The following CAPSL variants were observed in gnomAD, a reference collection of about 807,000 sequenced individuals.
CAPSL encodes the protein calcyphosine like, also known as calcyphosin-like protein.
In CAPSL, 17 loss-of-function variants were observed where a neutral mutation model predicts 21.3. That is an observed-to-expected ratio of 0.80 (90% CI 0.55 to 1.20). CAPSL has a LOEUF of 1.20. Among genes scored for constraint, CAPSL ranks in the 50% most tolerant of loss-of-function variants. CAPSL has a pLI of 0.00. For synonymous variants in CAPSL, 102 were observed against 89.3 expected, an observed-to-expected ratio of 1.14 and a Z score of -0.80; for missense variants, 289 against 259.3, an observed-to-expected ratio of 1.11 and a Z score of -0.79.
chr5:35,910,120 G>A (rs1182008164), intron 3 of CAPSL, 45 bp from the exon 4 acceptor site: 1 of 1,488,422 alleles, frequency 6.7e-7, no homozygotes, highest in Non-Finnish European at 9.1e-7. Flanking sequence ...ATAAGCAAAT[G>A]AGCTTTTTTG....
intron 1 of CAPSL, among the ~76,000 whole-genome samples, chr5:35,935,317 C>T (rs1738916722): frequency 6.6e-6 from 1 of 151,338 alleles, no homozygotes; most frequent in African/African-American, 2.4e-5. Flanking sequence ...ATCTGGTCTC[C>T]TCTGAAAGTC....
intron 1 of CAPSL, among the ~76,000 whole-genome samples, chr5:35,936,043 T>C (rs903196923): frequency 6.6e-6 from 1 of 152,218 alleles, no homozygotes; most frequent in South Asian, 2.1e-4. Flanking sequence ...TTTTATATGA[T>C]GTTGGTCAGG....
At chr5:35,922,195 C>A (rs1185367102) in intron 1 of CAPSL, among the ~76,000 whole-genome samples, 1 of 152,074 alleles carries the variant, frequency 6.6e-6, no homozygotes, top group South Asian at 2.1e-4. Flanking sequence ...TCAAAGACAG[C>A]AACCTGCAGA....
chr5:35,937,706 T>C (rs1280885382), intron 1 of CAPSL, among the ~76,000 whole-genome samples: 1 of 152,194 alleles, frequency 6.6e-6, no homozygotes, highest in Admixed American at 6.5e-5. Flanking sequence ...AATTTATCAT[T>C]GTCATTGCTA....
At chr5:35,914,403 T>C (rs1399824850) in intron 2 of CAPSL, among the ~76,000 whole-genome samples, 3 of 152,134 alleles carry the variant, frequency 2.0e-5, no homozygotes, top group Admixed American at 1.3e-4. Flanking sequence ...CAACAGAATA[T>C]ACATTCTTTT....
chr5:35,914,877 A>G (rs1738330541), intron 2 of CAPSL, among the ~76,000 whole-genome samples: 2 of 152,194 alleles, frequency 1.3e-5, no homozygotes, highest in Non-Finnish European at 2.9e-5. Flanking sequence ...AACTCAAGGA[A>G]ATAGAGACAC....
chr5:35,919,870 G>A (rs755974216), intron 2 of CAPSL, among the ~76,000 whole-genome samples: 5 of 152,160 alleles, frequency 3.3e-5, no homozygotes, highest in Non-Finnish European at 7.3e-5. Context: ...GTGGGTATGG[G>A]GTGAAGATGG....
At chr5:35,916,989 A>C (rs1471767793) in intron 2 of CAPSL, among the ~76,000 whole-genome samples, 1 of 152,226 alleles carries the variant, frequency 6.6e-6, no homozygotes, top group Non-Finnish European at 1.5e-5. Flanking sequence ...TAATATCCAG[A>C]ATCTACAATG....
chr5:35,916,109 C>T (rs1738378339), intron 2 of CAPSL, among the ~76,000 whole-genome samples: 2 of 152,214 alleles, frequency 1.3e-5, no homozygotes, highest in South Asian at 2.1e-4. Context: ...AACTCCCATT[C>T]ACAATTGCTT....
chr5:35,935,090 T>C (rs1221913733), intron 1 of CAPSL, among the ~76,000 whole-genome samples: 1 of 152,214 alleles, frequency 6.6e-6, no homozygotes, highest in African/African-American at 2.4e-5. Context: ...ACAAACTTCC[T>C]ATGTTTCTCT....
chr5:35,917,896 G>A (rs576196218), intron 2 of CAPSL, among the ~76,000 whole-genome samples: 19 of 151,962 alleles, frequency 1.3e-4, no homozygotes, highest in South Asian at 8.3e-4. Context: ...AAAGCTTATC[G>A]TCATTAGAGA....
At chr5:35,915,986 T>C (rs138074089) in intron 2 of CAPSL, among the ~76,000 whole-genome samples, 62,214 of 151,752 alleles carry the variant, frequency 0.41, 13,192 homozygotes, top group African/African-American at 0.46. Context: ...CCCAAAATCT[T>C]CTTAAGCTGA....
chr5:35,905,597 C>T (rs1414516955), intron 4 of CAPSL, among the ~76,000 whole-genome samples: 7 of 152,238 alleles, frequency 4.6e-5, no homozygotes, highest in Non-Finnish European at 1.0e-4. Context: ...ATCTACAATA[C>T]ATGCATAGAG....
At chr5:35,926,039 G>T (rs1738666406) in intron 1 of CAPSL, among the ~76,000 whole-genome samples, 2 of 144,258 alleles carry the variant, frequency 1.4e-5, no homozygotes, top group Admixed American at 1.4e-4. Flanking sequence ...TCGCGCCACT[G>T]CACTCCAGCC....
rs1760620886 is a variant in CAPSL at position 35,904,345 on chromosome 5, C to G, written c.*200G>C. ...CCTATTTTAGAACAAAGGAAACAGT[C>G]TTAGGCAAGGCAAACTCACAGTTGG... is the stretch of plus-strand genomic sequence containing the variant. On this transcript the variant is annotated 3_prime_UTR_variant, in exon 5 of 5. Coordinates refer to ENST00000651391, the MANE Select transcript of CAPSL (RefSeq NM_001042625.2). 1.7e-6 allele frequency: 1 copy of G among 594,766 alleles called. No homozygotes were observed. Among genetic ancestry groups the G allele is most frequent in the South Asian group, 2.1e-5 (1 of 48,514 alleles). The allele number at this position is 594,766 out of a possible 1,614,324, so 36.8% of individuals were successfully genotyped here.
At chr5:35,934,157 ATTC>A (rs1361046266) in intron 1 of CAPSL, among the ~76,000 whole-genome samples, 3 of 152,198 alleles carry the variant, frequency 2.0e-5, no homozygotes, top group Admixed American at 2.0e-4. Context: ...TACAAGGAAA[ATTC>A]TTATTTCATT....
At chr5:35,927,724 A>G (rs116587726) in intron 1 of CAPSL, among the ~76,000 whole-genome samples, 1,863 of 152,322 alleles carry the variant, frequency 0.012, 46 homozygotes, top group African/African-American at 0.043. Context: ...GGACCTTTCA[A>G]TACTTGAAAT....
intron 2 of CAPSL, among the ~76,000 whole-genome samples, chr5:35,911,249 C>T (rs1265911170): frequency 6.6e-6 from 1 of 152,186 alleles, no homozygotes; most frequent in East Asian, 1.9e-4. Context: ...TAAGTGTGGG[C>T]TCTACAAAGA....
chr5:35,925,735 C>T (rs1277707352), intron 1 of CAPSL, among the ~76,000 whole-genome samples: 5 of 152,140 alleles, frequency 3.3e-5, no homozygotes, highest in Admixed American at 2.0e-4. Context: ...TCTTAAAAAA[C>T]AGGAGACCAC....
Sources: gnomAD v4.1 joint callset for allele counts (sites outside exome capture counted in the v4.1 genomes callset) on GRCh38, gnomAD v4.1.1 for gene constraint, MANE v1.5 for transcripts, NCBI Gene and HGNC (gene_info 2026-07-23, HGNC 2026-07-21) for gene names.